MYLK: variants seen among roughly 807,000 people sequenced by gnomAD.
MYLK encodes the protein myosin light chain kinase.
MYLK carries 106 observed loss-of-function variants against 203.4 expected under a neutral mutation model. The observed-to-expected ratio is 0.52, with a 90% CI of 0.45 to 0.61. The LOEUF (loss-of-function observed/expected upper bound fraction) is 0.61, where lower values mean the gene tolerates loss of function less well. Among genes scored for constraint, MYLK ranks in the 20% least tolerant of loss-of-function variants. The probability of loss-of-function intolerance (pLI) is 0.00; values close to 1 mark genes in which losing one functional copy is unlikely to be tolerated. For synonymous variants in MYLK, 867 were observed against 959.5 expected (o/e 0.90, Z 1.78); for missense variants, 2,072 against 2,442.3 (o/e 0.85, Z 3.20).
chr3:123,800,850 G>A (rs1050250996), intron 3 of MYLK, among the ~76,000 whole-genome samples: 5 of 152,080 alleles, frequency 3.3e-5, no homozygotes, highest in African/African-American at 9.7e-5. Flanking sequence ...AAACATTTTT[G>A]TCTCAGGGTG....
intron 21 of MYLK, 31 bp from the exon 22 acceptor site, chr3:123,666,377 G>GC (rs765226510): frequency 1.2e-6 from 2 of 1,613,968 alleles, no homozygotes; most frequent in Non-Finnish European, 1.7e-6. Context: ...AGTGAGCGAG[G>GC]CAGAAGGGTC....
At chr3:123,632,235 C>G (rs993135965) in intron 29 of MYLK, among the ~76,000 whole-genome samples, 4 of 152,116 alleles carry the variant, frequency 2.6e-5, no homozygotes, top group African/African-American at 9.7e-5. Context: ...TCCCAGCTCT[C>G]TCTGTCTCTG....
chr3:123,747,805 TTA>T (rs1392923846), intron 5 of MYLK, among the ~76,000 whole-genome samples: 1 of 152,218 alleles, frequency 6.6e-6, no homozygotes, highest in East Asian at 1.9e-4. Flanking sequence ...GCTCCTGAGC[TTA>T]TGTCCTTAAA....
chr3:123,696,408 A>C (rs1295033164), intron 18 of MYLK, among the ~76,000 whole-genome samples: 1 of 152,044 alleles, frequency 6.6e-6, no homozygotes, highest in East Asian at 1.9e-4. Context: ...CAAGTCAGGA[A>C]GCCGGGGGCA....
chr3:123,623,072 T>G (rs567293784), intron 31 of MYLK: 31 of 152,164 alleles, frequency 2.0e-4, no homozygotes, highest in Non-Finnish European at 4.1e-4. Flanking sequence ...TTCCCAGGAT[T>G]AGGGTCTTTT....
At chr3:123,659,227 G>C (rs891279966) in intron 23 of MYLK, among the ~76,000 whole-genome samples, 3 of 152,196 alleles carry the variant, frequency 2.0e-5, no homozygotes, top group Non-Finnish European at 2.9e-5. Context: ...TCCCAGAGAA[G>C]ACTGCCTGGA....
In MYLK at chr3:123,638,223, G is replaced by T. The variant is rs923164616; in HGVS notation, c.4838-29C>A. 5 of 1,613,072 alleles carry T rather than the reference G, an allele frequency of 3.1e-6. No individual in the cohort carries two copies. The Admixed American group carries it at 6.7e-5, about 22-fold the overall frequency. On this transcript the variant is annotated intron_variant, in intron 28 of 33. Coordinates refer to ENST00000360304, the MANE Select transcript of MYLK (RefSeq NM_053025.4). ...AAACCAGGATGGAGAGGGATAAATT[G>T]CCAGCACATCACGGAGCCAGCTTGA...
intron 33 of MYLK, among the ~76,000 whole-genome samples, chr3:123,615,718 G>T (rs1408708526): frequency 6.6e-6 from 1 of 150,576 alleles, no homozygotes; most frequent in Non-Finnish European, 1.5e-5. Context: ...GCATGATCTC[G>T]GGTCACTGCA....
chr3:123,687,023 A>G (rs1180336923), intron 19 of MYLK, among the ~76,000 whole-genome samples: 1 of 152,100 alleles, frequency 6.6e-6, no homozygotes, highest in African/African-American at 2.4e-5. Flanking sequence ...GGAGTTTGAG[A>G]CCAGACTGGC....
At chr3:123,654,353 T>C (rs2059324736) in intron 24 of MYLK, among the ~76,000 whole-genome samples, 2 of 152,218 alleles carry the variant, frequency 1.3e-5, no homozygotes, top group African/African-American at 2.4e-5. Context: ...AATTTTTTTT[T>C]CAAAACTAAA....
chr3:123,685,523 G>C (rs1433499147), intron 19 of MYLK, among the ~76,000 whole-genome samples: 2 of 151,026 alleles, frequency 1.3e-5, no homozygotes, highest in East Asian at 2.0e-4. Context: ...AGCCCACAGA[G>C]CTTGAGGCTG....
At chr3:123,650,322 G>A (rs2059166693) in intron 24 of MYLK, among the ~76,000 whole-genome samples, 1 of 152,190 alleles carries the variant, frequency 6.6e-6, no homozygotes. Flanking sequence ...CTGGCTGACA[G>A]CTGGACAATG....
rs1309568757 is a variant in MYLK at position 123,610,712 on chromosome 3, T to A, written c.*3393A>T. On this transcript the variant is annotated 3_prime_UTR_variant, in exon 34 of 34. Transcript: ENST00000360304. ...AAAGAGAGTAGTGCTACTTGTGTTT[T>A]CTTGAAAAATGGAGAATTGGGTTTC... The A allele has an allele frequency of 6.6e-6, 1 of 152,224 alleles. No homozygotes were observed. The highest frequency in any genetic ancestry group is 1.5e-5 in the Non-Finnish European group (1 of 68,042). 9.4% of individuals were successfully genotyped at this position (152,224 alleles called of 1,614,324 possible). A position where few individuals can be genotyped will look rare whatever the true frequency, so the allele number is the denominator to read the frequency against.
intron 2 of MYLK, among the ~76,000 whole-genome samples, chr3:123,869,942 TTGTAA>T (rs1218649064): frequency 6.6e-6 from 1 of 150,506 alleles, no homozygotes; most frequent in East Asian, 2.0e-4. Flanking sequence ...CAAAATCCAT[TTGTAA>T]TGCCTTGTCA....
At chr3:123,723,814 T>C (rs1019600379) in intron 12 of MYLK, among the ~76,000 whole-genome samples, 5 of 152,236 alleles carry the variant, frequency 3.3e-5, no homozygotes, top group African/African-American at 1.2e-4. Context: ...ATGTATAAAC[T>C]AGGAGACAGC....
At chr3:123,863,368 CAAAA>C (rs35039876) in intron 2 of MYLK, among the ~76,000 whole-genome samples, 1 of 29,896 alleles carries the variant, frequency 3.3e-5, no homozygotes, top group Non-Finnish European at 7.9e-5. Flanking sequence ...ATAGCCTTGC[CAAAA>C]AAAAAAAAAA....
chr3:123,616,410 A>G (rs1407770952), intron 33 of MYLK: 1 of 152,210 alleles, frequency 6.6e-6, no homozygotes, highest in African/African-American at 2.4e-5. Context: ...AGCATTACCA[A>G]CATTATGCAT....
chr3:123,850,186 T>C (rs1179859226), intron 2 of MYLK, among the ~76,000 whole-genome samples: 1 of 152,220 alleles, frequency 6.6e-6, no homozygotes, highest in Admixed American at 6.5e-5. Flanking sequence ...CTATTGTGAA[T>C]AGTGTTGCAG....
In MYLK at chr3:123,619,140, T is replaced by C. The variant is rs529209343; in HGVS notation, c.5369-370A>G. Among the ~76,000 whole-genome samples, 12 of 152,356 alleles carry C rather than the reference T, an allele frequency of 7.9e-5. No homozygotes were observed. In the South Asian group the frequency reaches 2.5e-3, roughly 32 times the overall value. ...AGCCTTCCTAGTCTTGGTATCCCTC[T>C]GCCTTCCTTCTGCAGCAGGTGTTCC... On this transcript the variant is annotated intron_variant, in intron 32 of 33. Transcript: ENST00000360304.
Sources: gnomAD v4.1 joint callset for allele counts (sites outside exome capture counted in the v4.1 genomes callset) on GRCh38, gnomAD v4.1.1 for gene constraint, MANE v1.5 for transcripts, NCBI Gene and HGNC (gene_info 2026-07-23, HGNC 2026-07-21) for gene names.